DNAAF9: variants seen among roughly 807,000 people sequenced by gnomAD.
DNAAF9 encodes dynein axonemal assembly factor 9, also known as shulin.
Under a neutral mutation model 167.0 loss-of-function variants are expected in DNAAF9, and 90 were observed. The ratio of observed to expected loss-of-function variants is 0.54; its 90% CI spans 0.45 to 0.64. DNAAF9 has a LOEUF of 0.64. Ranked by LOEUF, DNAAF9 falls within the 30% of genes least tolerant of loss-of-function variation. The pLI is 0.00. For synonymous variants in DNAAF9, 491 were observed against 508.8 expected, an observed-to-expected ratio of 0.96 and a Z score of 0.47; for missense variants, 1,315 against 1,442.2, an observed-to-expected ratio of 0.91 and a Z score of 1.43.
Position 3,309,921 on chromosome 20 carries a change from G to A in DNAAF9, c.1678+5112C>T, listed in dbSNP as rs144450807. On this transcript the variant is annotated intron_variant, in intron 20 of 36. Coordinates refer to ENST00000252032, the MANE Select transcript of DNAAF9 (RefSeq NM_001009984.3). ...ATCTATAAAGAATTCCTGGCTGGGC[G>A]CAGTGGCTCACGTGTAATCCCAGAA... Among the ~76,000 whole-genome samples the A allele has an allele frequency of 6.3e-3, 955 of 152,264 alleles. 8 individuals carry two copies. Among genetic ancestry groups the A allele is most frequent in the Middle Eastern group, 0.02 (6 of 294 alleles).
intron 10 of DNAAF9, among the ~76,000 whole-genome samples, chr20:3,336,109 C>G (rs571221890): frequency 1.3e-5 from 2 of 152,068 alleles, no homozygotes; most frequent in African/African-American, 2.4e-5. Flanking sequence ...GGTGACAGAG[C>G]GAGACCCCAT....
intron 7 of DNAAF9, among the ~76,000 whole-genome samples, chr20:3,358,865 C>T (rs889940756): frequency 9.9e-5 from 15 of 152,196 alleles, no homozygotes; most frequent in African/African-American, 3.4e-4. Flanking sequence ...AGAGACACCA[C>T]TGACCTGCCT....
At chr20:3,267,975 A>T (rs1322846148) in intron 30 of DNAAF9, among the ~76,000 whole-genome samples, 1 of 151,486 alleles carries the variant, frequency 6.6e-6, no homozygotes, top group Non-Finnish European at 1.5e-5. Flanking sequence ...TGAATTAAAT[A>T]CTTTTCTTGG....
intron 20 of DNAAF9, among the ~76,000 whole-genome samples, chr20:3,314,148 C>G (rs112828563): frequency 0.015 from 2,350 of 152,244 alleles, 30 homozygotes; most frequent in Non-Finnish European, 0.023. Context: ...GAGCTGTAGA[C>G]AGATTACACT....
chr20:3,365,274 G>A (rs910184394), intron 6 of DNAAF9, among the ~76,000 whole-genome samples: 4 of 151,996 alleles, frequency 2.6e-5, no homozygotes, highest in African/African-American at 9.7e-5. Context: ...TATGCCAGCA[G>A]CCATTTCTTA....
At chr20:3,306,091 C>A (rs927895977) in intron 20 of DNAAF9, among the ~76,000 whole-genome samples, 1 of 152,158 alleles carries the variant, frequency 6.6e-6, no homozygotes, top group African/African-American at 2.4e-5. Context: ...CCTGACCATG[C>A]CATATTTCAA....
At chr20:3,396,207 A>G (rs554741299) in intron 1 of DNAAF9, among the ~76,000 whole-genome samples, 15 of 152,374 alleles carry the variant, frequency 9.8e-5, no homozygotes, top group Admixed American at 6.5e-5. Flanking sequence ...ATGAAAACAG[A>G]CTAATACAGA....
intron 25 of DNAAF9, among the ~76,000 whole-genome samples, chr20:3,293,503 G>A (rs561286843): frequency 3.4e-3 from 510 of 150,466 alleles, no homozygotes; most frequent in Non-Finnish European, 4.8e-3. Context: ...TAGTCAACAT[G>A]GTGAAACCCT....
At chr20:3,316,638 G>C in intron 18 of DNAAF9, 85 bp downstream of exon 18, 1 of 904,536 alleles carries the variant, frequency 1.1e-6, no homozygotes, top group Non-Finnish European at 1.8e-6. Context: ...ATCCCACCAG[G>C]GGCCCAACAA....
chr20:3,299,748 T>C lies in DNAAF9; in HGVS notation c.1783-1573A>G, dbSNP rs184508165. ...TCCACTGGTCCATATGCCTGACCTT[T>C]TGCCAGCAGCAAACTGTTAGGTCAC... On this transcript the variant is annotated intron_variant, in intron 21 of 36. Coordinates refer to ENST00000252032, the MANE Select transcript of DNAAF9 (RefSeq NM_001009984.3). 2.3e-3 allele frequency among the ~76,000 whole-genome samples: 350 copies of C among 152,358 alleles called. 1 individual carries two copies. Among genetic ancestry groups the C allele is most frequent in the African/African-American group, 8.1e-3 (337 of 41,586 alleles).
chr20:3,407,250 G>A (rs191789016), intron 1 of DNAAF9, among the ~76,000 whole-genome samples: 1 of 152,256 alleles, frequency 6.6e-6, no homozygotes, highest in African/African-American at 2.4e-5. Context: ...TTGTCTGTGG[G>A]GGAGCCATTG....
At chr20:3,388,534 G>A (rs1378796715) in intron 1 of DNAAF9, among the ~76,000 whole-genome samples, 1 of 152,130 alleles carries the variant, frequency 6.6e-6, no homozygotes, top group Non-Finnish European at 1.5e-5. Flanking sequence ...AGCACTATTT[G>A]CAACAGCCAA....
At chr20:3,375,441 C>T (rs764166804) in intron 4 of DNAAF9, among the ~76,000 whole-genome samples, 6 of 152,182 alleles carry the variant, frequency 3.9e-5, no homozygotes, top group Non-Finnish European at 8.8e-5. Flanking sequence ...CAGGTCACAA[C>T]TTTCATGAAA....
In DNAAF9 at chr20:3,318,275, TCA is replaced by T. The variant is rs751991836; in HGVS notation, c.1468+12_1468+13del. The T allele has an allele frequency of 1.8e-6, 2 of 1,114,486 alleles. No homozygotes were observed. Among genetic ancestry groups the T allele is most frequent in the Non-Finnish European group, 2.7e-6 (2 of 743,154 alleles). 69.0% of individuals were successfully genotyped at this position (1,114,486 alleles called of 1,614,324 possible). On this transcript the variant is annotated intron_variant, in intron 17 of 36. Transcript: ENST00000252032. Reference sequence around the variant, plus strand: ...AGGCTTAAGGTTTGCTTTCTAAAGATCACATATACTTACCCTTTTCTTTAACT... The same window carrying T: ...AGGCTTAAGGTTTGCTTTCTAAAGATCATATACTTACCCTTTTCTTTAACT...
chr20:3,319,864 G>A (rs1022056441), intron 16 of DNAAF9, among the ~76,000 whole-genome samples: 1 of 152,160 alleles, frequency 6.6e-6, no homozygotes, highest in African/African-American at 2.4e-5. Context: ...ACAACTGGAA[G>A]GTTTATCTAA....
chr20:3,315,020 C>A lies in DNAAF9; in HGVS notation c.1678+13G>T, dbSNP rs2069478455. 1.9e-6 allele frequency: 3 copies of A among 1,545,948 alleles called. No individual in the cohort carries two copies. Among genetic ancestry groups the A allele is most frequent in the South Asian group, 2.2e-5 (2 of 89,148 alleles). On this transcript the variant is annotated intron_variant, in intron 20 of 36. Transcript: ENST00000252032. This position sits in a 1 kb window ranked among gnomAD's most constrained non-coding sequence, Gnocchi z 4.1. Reference sequence around the variant, plus strand: ...CAGACATGGCCAAAAACATTAAAGTCATAGCTCCTTACCTTCCTCAGGCCA... The same window carrying A: ...CAGACATGGCCAAAAACATTAAAGTAATAGCTCCTTACCTTCCTCAGGCCA...
intron 23 of DNAAF9, chr20:3,295,480 TTTTTTTTTTTTTTAAAGAAGCC>T (rs2069055418): frequency 4.0e-6 from 1 of 249,226 alleles, no homozygotes; most frequent in African/African-American, 2.3e-5. Flanking sequence ...CGCCTGACCT[TTTTTTTTTTTTTTAAAGAAGCC>T]CAAACACATT....
chr20:3,272,496 T>C (rs939721337), intron 29 of DNAAF9, among the ~76,000 whole-genome samples: 1 of 152,194 alleles, frequency 6.6e-6, no homozygotes, highest in African/African-American at 2.4e-5. Context: ...TCTAAAGTGC[T>C]GGGATTACGG....
chr20:3,369,332 C>T (rs1047170056), intron 6 of DNAAF9, among the ~76,000 whole-genome samples: 6 of 151,910 alleles, frequency 3.9e-5, no homozygotes, highest in African/African-American at 9.7e-5. Context: ...AAATTCTACT[C>T]ATTGGATATT....
Sources: gnomAD v4.1 joint callset for allele counts (sites outside exome capture counted in the v4.1 genomes callset) on GRCh38, gnomAD v4.1.1 for gene constraint, Gnocchi (gnomAD v3.1) non-coding constraint, MANE v1.5 for transcripts, NCBI Gene and HGNC (gene_info 2026-07-23, HGNC 2026-07-21) for gene names.